The following PIP5K1B variants were observed in gnomAD, a reference collection of about 807,000 sequenced individuals.
PIP5K1B encodes the protein phosphatidylinositol-4-phosphate 5-kinase type 1 beta, also known as phosphatidylinositol 4-phosphate 5-kinase type-1 beta.
In PIP5K1B, 42 loss-of-function variants were observed where a neutral mutation model predicts 67.0. The ratio of observed to expected loss-of-function variants is 0.63; its 90% CI spans 0.49 to 0.81. The LOEUF (loss-of-function observed/expected upper bound fraction) is 0.81. PIP5K1B is among the 30% of genes least tolerant of loss of function. PIP5K1B has a pLI of 0.00. For synonymous variants in PIP5K1B, 214 were observed against 231.4 expected (o/e 0.92, Z 0.68); for missense variants, 459 against 646.3 (o/e 0.71, Z 3.14).
chr9:68,878,915 G>C (rs891214215), intron 6 of PIP5K1B, among the ~76,000 whole-genome samples: 1 of 152,162 alleles, frequency 6.6e-6, no homozygotes, highest in Admixed American at 6.5e-5. Context: ...AGGGTTGGAA[G>C]GGGCACTGTA....
intron 1 of PIP5K1B, among the ~76,000 whole-genome samples, chr9:68,737,293 C>A (rs954018298): frequency 6.6e-6 from 1 of 152,024 alleles, no homozygotes; most frequent in Non-Finnish European, 1.5e-5. Context: ...GTGTGCATGG[C>A]GGCATATGTC....
chr9:68,797,079 A>C (rs992532521), intron 2 of PIP5K1B, among the ~76,000 whole-genome samples: 17 of 152,210 alleles, frequency 1.1e-4, no homozygotes, highest in Non-Finnish European at 2.9e-5. Flanking sequence ...TTTTCAATAA[A>C]TGTGGTGAAT....
At chr9:68,812,041 A>G (rs976608217) in intron 2 of PIP5K1B, among the ~76,000 whole-genome samples, 1 of 152,194 alleles carries the variant, frequency 6.6e-6, no homozygotes, top group African/African-American at 2.4e-5. Flanking sequence ...AGCCAGGCTG[A>G]GATGGAGGTG....
chr9:68,817,719 T>TC (rs1441260089), intron 2 of PIP5K1B, among the ~76,000 whole-genome samples: 1 of 147,752 alleles, frequency 6.8e-6, no homozygotes, highest in Non-Finnish European at 1.5e-5. Flanking sequence ...ATTCTTTTTT[T>TC]TTTTTTTTTT....
intron 8 of PIP5K1B, among the ~76,000 whole-genome samples, chr9:68,905,441 GT>G (rs5898048): frequency 0.22 from 33,033 of 152,078 alleles, 4,444 homozygotes; most frequent in African/African-American, 0.39. Flanking sequence ...CAAAAGAGAT[GT>G]TAGGGGCAGC....
intron 4 of PIP5K1B, among the ~76,000 whole-genome samples, chr9:68,848,210 T>G (rs948538127): frequency 6.6e-6 from 1 of 152,194 alleles, no homozygotes. Context: ...ACATATTCCA[T>G]TCATTCCCCA....
rs559663752 is a variant in PIP5K1B at position 68,961,024 on chromosome 9, C to A, written c.1502+20234C>A. On this transcript the variant is annotated intron_variant, in intron 14 of 15. Coordinates refer to ENST00000265382, the MANE Select transcript of PIP5K1B (RefSeq NM_003558.4). ...AGGAGATCGAGACCATCCTGGCTAA[C>A]AAGGTGAAACCCCGTCTCTACTAAA... Among the ~76,000 whole-genome samples, 4 of 151,832 alleles carry A rather than the reference C, an allele frequency of 2.6e-5. No individual in the cohort carries two copies. In the South Asian group the frequency reaches 6.2e-4, roughly 24 times the overall value.
chr9:68,875,131 T>A (rs1406472815), intron 5 of PIP5K1B, among the ~76,000 whole-genome samples: 4 of 151,818 alleles, frequency 2.6e-5, no homozygotes, highest in Non-Finnish European at 4.4e-5. Flanking sequence ...GGTCATTCCT[T>A]ACTATGTGAC....
intron 14 of PIP5K1B, among the ~76,000 whole-genome samples, chr9:68,981,053 T>G (rs368278646): frequency 3.7e-4 from 56 of 152,314 alleles, no homozygotes; most frequent in African/African-American, 1.2e-3. Context: ...AGAGCCAATC[T>G]GTGGACAAAG....
chr9:68,815,277 A>AT (rs1464471404), intron 2 of PIP5K1B, among the ~76,000 whole-genome samples: 1 of 151,678 alleles, frequency 6.6e-6, no homozygotes. Context: ...TAAAAAAAAA[A>AT]AGAGTGAAAA....
At chr9:68,776,774 T>C (rs907785324) in intron 2 of PIP5K1B, among the ~76,000 whole-genome samples, 6 of 152,208 alleles carry the variant, frequency 3.9e-5, no homozygotes, top group African/African-American at 1.4e-4. Context: ...ATTTAATTCA[T>C]GGGAGTGAAA....
chr9:68,941,376 A>T (rs570627399), intron 14 of PIP5K1B, among the ~76,000 whole-genome samples: 1 of 152,340 alleles, frequency 6.6e-6, no homozygotes, highest in East Asian at 1.9e-4. Context: ...GACAGAAGAA[A>T]GGTGAGAATC....
chr9:68,935,127 A>G (rs1827185690), intron 13 of PIP5K1B, 82 bp downstream of exon 13: 2 of 1,113,696 alleles, frequency 1.8e-6, no homozygotes, highest in Non-Finnish European at 2.7e-6. Flanking sequence ...AAAAATTTAA[A>G]AATACCTGCT....
At chr9:68,887,919 T>C (rs1824561748) in intron 6 of PIP5K1B, among the ~76,000 whole-genome samples, 1 of 151,586 alleles carries the variant, frequency 6.6e-6, no homozygotes, top group Admixed American at 6.6e-5. Context: ...TTGTGCAGGC[T>C]GTGCACTGCT....
chr9:68,779,833 G>T (rs1313271864), intron 2 of PIP5K1B, among the ~76,000 whole-genome samples: 3 of 152,264 alleles, frequency 2.0e-5, no homozygotes, highest in Non-Finnish European at 4.4e-5. Flanking sequence ...TCAGGGCTTT[G>T]TTTTATGAGT....
intron 2 of PIP5K1B, among the ~76,000 whole-genome samples, chr9:68,817,117 G>A (rs1410292848): frequency 6.6e-6 from 1 of 152,222 alleles, no homozygotes; most frequent in Non-Finnish European, 1.5e-5. Flanking sequence ...AACTGGAATT[G>A]TAAATCACCA....
At position 68,726,884 on chromosome 9, in the gene PIP5K1B, G is replaced by A. The variant is rs562479173; in HGVS notation, c.-242-15617G>A. 4.6e-5 allele frequency among the ~76,000 whole-genome samples: 7 copies of A among 152,080 alleles called. No individual in the cohort carries two copies. In the South Asian group the frequency reaches 8.3e-4, roughly 18 times the overall value. The stretch of plus-strand genomic sequence containing the variant: ...TAGCTTTAAATTGCATTTCCGTGAC[G>A]GCTAATCATGTTGAGCATCTTTTCA... On this transcript the variant is annotated intron_variant, in intron 1 of 15. Transcript: ENST00000265382.
At chr9:68,780,078 CGGCGGCAGCGG>C in intron 2 of PIP5K1B, 18 of 1,373,366 alleles carry the variant, frequency 1.3e-5, no homozygotes, top group Admixed American at 6.5e-5. Context: ...TTCTCGGTGG[CGGCGGCAGCGG>C]CGGCGGCCCT....
At chr9:68,753,283 A>G (rs1043935314) in intron 2 of PIP5K1B, among the ~76,000 whole-genome samples, 1 of 151,366 alleles carries the variant, frequency 6.6e-6, no homozygotes, top group Admixed American at 6.6e-5. Context: ...TTTGATATCT[A>G]GTTGTGCAAG....
Sources: gnomAD v4.1 joint callset for allele counts (sites outside exome capture counted in the v4.1 genomes callset) on GRCh38, gnomAD v4.1.1 for gene constraint, MANE v1.5 for transcripts, NCBI Gene and HGNC (gene_info 2026-07-23, HGNC 2026-07-21) for gene names.